PRDM4: variants seen among roughly 807,000 people sequenced by gnomAD.
The protein encoded by PRDM4 is PR/SET domain 4.
In PRDM4, 38 loss-of-function variants were observed where a neutral mutation model predicts 62.3. That is an observed-to-expected ratio of 0.61 (90% CI 0.47 to 0.80). PRDM4 has a LOEUF of 0.80. Among genes scored for constraint, PRDM4 ranks in the 30% least tolerant of loss-of-function variants. The pLI is 0.00. For missense variants in PRDM4, 858 were observed against 997.1 expected (o/e 0.86, Z 1.88); for synonymous variants, 339 against 348.2 (o/e 0.97, Z 0.30).
chr12:107,742,829 C>G (rs935916012), intron 8 of PRDM4, among the ~76,000 whole-genome samples: 1 of 150,608 alleles, frequency 6.6e-6, no homozygotes. Context: ...AACAGCACCA[C>G]CATAGTATGA....
rs1341494809 is a variant in PRDM4, at chr12:107,739,465, C to T, written c.2011G>A (p.Glu671Lys). The T allele has an allele frequency of 2.5e-6, 4 of 1,613,976 alleles. No individual in the cohort carries two copies. Among genetic ancestry groups the T allele is most frequent in the South Asian group, 1.1e-5 (1 of 91,076 alleles). ...CAGTAATCACACTTAAGATTCTTCT[C>T]CCCAGTGTGGATAACCATGTGGGAC... ...LESHMVIHTG[E>K]KNLKCDYCDK... The change falls in exon 11 of 12, where the codon GAG becomes AAG. Residue 671 changes from glutamate to lysine, a missense_variant. Glu to Lys is a moderately conservative substitution (Grantham distance 56). Around this residue, in one of 3 missense-constraint regions of PRDM4, gnomAD observed 355 missense variants for 432.6 expected, o/e 0.82. Transcript: ENST00000228437.
At position 107,733,148 on chromosome 12, in the gene PRDM4, A is replaced by G. The variant is rs929456930; in HGVS notation, c.*1062T>C. 1.3e-5 allele frequency: 2 copies of G among 152,380 alleles called. No homozygotes were observed. The highest frequency in any genetic ancestry group is 4.8e-5 in the African/African-American group (2 of 41,456). 9.4% of individuals were successfully genotyped at this position (152,380 alleles called of 1,614,324 possible). A position where few individuals can be genotyped will look rare whatever the true frequency, so the allele number is the denominator to read the frequency against. On this transcript the variant is annotated 3_prime_UTR_variant, in exon 12 of 12. Coordinates refer to ENST00000228437, the MANE Select transcript of PRDM4 (RefSeq NM_012406.4). ...ACCCTGAAAACAGGCCCATGTGGTC[A>G]CTATTCAGCCTTCTTTACCTTCCAA... is the stretch of plus-strand genomic sequence containing the variant.
Position 107,742,414 on chromosome 12 carries a change from C to G in PRDM4, c.1482-66G>C. 5 of 1,531,280 alleles carry G rather than the reference C, an allele frequency of 3.3e-6. No individual in the cohort carries two copies. The South Asian group carries it at 4.6e-5, about 14-fold the overall frequency. The allele number at this position is 1,531,280 out of a possible 1,614,324, so 94.9% of individuals were successfully genotyped here. ...AAATGCATACTAAGTACAACATTCC[C>G]CCATTGCAAAATCCTATATGAAAGC... On this transcript the variant is annotated intron_variant, in intron 8 of 11. Transcript: ENST00000228437.
Position 107,753,974 on chromosome 12 carries a change from G to A in PRDM4, c.281C>T (p.Pro94Leu), listed in dbSNP as rs781706281. 1.9e-6 allele frequency: 3 copies of A among 1,614,136 alleles called. No individual in the cohort carries two copies. Among genetic ancestry groups the A allele is most frequent in the East Asian group, 2.2e-5 (1 of 44,884 alleles). The change falls in exon 4 of 12, where the codon CCA becomes CTA. Residue 94 changes from proline to leucine, a missense_variant. Physicochemically the swap from Pro to Leu is moderately conservative, Grantham distance 98 (BLOSUM62 -3). This residue lies in a region of PRDM4 where 499 missense variants were observed against 546.7 expected (regional missense o/e 0.91). Transcript: ENST00000228437. ...GCTCTCCAGGTGAGGGTAAGGTGGT[G>A]GAGGTAGGGTGTAGTTTCTTTCAGG... is the stretch of plus-strand genomic sequence containing the variant. ...GLPERNYTLP[P>L]PPYPHLESSY...
Position 107,752,046 on chromosome 12 carries a change from T to C in PRDM4, c.495A>G (p.Ile165Met). The change falls in exon 5 of 12, where the codon ATA becomes ATG. Residue 165 changes from isoleucine (I) to methionine (M), a missense_variant. Transcript: ENST00000228437. ...NVGLEPGIVS[I>M]DSRSVNTHGA... is the part of the protein sequence containing the mutation. ...CATGTGTGTTCACAGAGCGAGAGTC[T>C]ATTGAAACAATGCCTGGTTCTAATC... 6.2e-7 allele frequency: 1 copy of C among 1,614,164 alleles called. No homozygotes were observed. The highest frequency in any genetic ancestry group is 8.5e-7 in the Non-Finnish European group (1 of 1,179,992).
rs764525950 is a variant in PRDM4, at chr12:107,760,565, A to T, written c.-50T>A. The T allele has an allele frequency of 6.2e-7, 1 of 1,609,996 alleles. No individual in the cohort carries two copies. The highest frequency in any genetic ancestry group is 8.5e-7 in the Non-Finnish European group (1 of 1,177,994). ...AAGGAGCGCTCGGGTGGTGGGGAACAGGCATCAGGGTTTGCGTTCCAGGGT... is the reference window on the plus strand; with the variant it reads ...AAGGAGCGCTCGGGTGGTGGGGAACTGGCATCAGGGTTTGCGTTCCAGGGT... On this transcript the variant is annotated 5_prime_UTR_variant, in exon 2 of 12. Transcript: ENST00000228437.
rs764747987 is a variant in PRDM4, at chr12:107,752,016, G to C, written c.525C>G (p.Ala175=). The change falls in exon 5 of 12, where the codon GCC becomes GCG. Residue 175 remains alanine, a synonymous_variant. Coordinates refer to ENST00000228437, the MANE Select transcript of PRDM4 (RefSeq NM_012406.4). ...GGCCATCACTGGGATGAAGACTTTG[G>C]GCACCATGTGTGTTCACAGAGCGAG... is the stretch of plus-strand genomic sequence containing the variant. ...IDSRSVNTHG[A]QSLHPSDGHE... is the part of the protein sequence containing the mutation. 2.5e-6 allele frequency: 4 copies of C among 1,614,144 alleles called. No individual in the cohort carries two copies. The South Asian group carries it at 4.4e-5, about 18-fold the overall frequency.
chr12:107,740,496 T>A (rs4964616), intron 10 of PRDM4, among the ~76,000 whole-genome samples: 44,341 of 135,460 alleles, frequency 0.33, 8,173 homozygotes, highest in Middle Eastern at 0.46. Context: ...CAAAAAAAAA[T>A]TTTTTTTTTT....
chr12:107,735,249 A>C (rs1890291504), intron 11 of PRDM4, among the ~76,000 whole-genome samples: 2 of 152,218 alleles, frequency 1.3e-5, no homozygotes, highest in Non-Finnish European at 2.9e-5. Flanking sequence ...GCTAAATCAA[A>C]GGATATGCAC....
chr12:107,752,140 C>T lies in PRDM4; in HGVS notation c.401G>A (p.Gly134Asp), dbSNP rs766310194. 1.3e-6 allele frequency: 2 copies of T among 1,599,256 alleles called. No homozygotes were observed. Among genetic ancestry groups the T allele is most frequent in the South Asian group, 1.1e-5 (1 of 90,808 alleles). Reference protein sequence around the residue: ...YIHPNSINVDGNTALSITNNP... With the variant: ...YIHPNSINVDDNTALSITNNP... ...ATTGGTGATAGATAATGCTGTATTA[C>T]CATCAACATTTATAGAGTTAGGGTG... Residue 134 changes from glycine (G) to aspartate (D), a missense_variant, in exon 5 of 12, where the codon GGT becomes GAT. Transcript: ENST00000228437.
At position 107,751,896 on chromosome 12, in the gene PRDM4, C is replaced by T; in HGVS notation, c.645G>A (p.Met215Ile). Residue 215 changes from methionine (M) to isoleucine (I), a missense_variant, in exon 5 of 12, where the codon ATG becomes ATA. Met to Ile is a conservative substitution (Grantham distance 10, BLOSUM62 1). Around this residue, in one of 3 missense-constraint regions of PRDM4, gnomAD observed 499 missense variants for 546.7 expected, o/e 0.91. Coordinates refer to ENST00000228437, the MANE Select transcript of PRDM4 (RefSeq NM_012406.4). ...STDGMAEELT[M>I]DGVAGEHSQI... is the part of the protein sequence containing the mutation. The stretch of plus-strand genomic sequence containing the variant: ...GGGAATGCTCGCCTGCAACACCGTC[C>T]ATCGTAAGCTCCTCTGCCATTCCAT... 1 of 1,614,244 alleles carries T rather than the reference C, an allele frequency of 6.2e-7. No individual in the cohort carries two copies. Among genetic ancestry groups the T allele is most frequent in the Non-Finnish European group, 8.5e-7 (1 of 1,180,038 alleles).
At chr12:107,738,058 G>A (rs1324095699) in intron 11 of PRDM4, 1 of 152,182 alleles carries the variant, frequency 6.6e-6, no homozygotes, top group Non-Finnish European at 1.5e-5. Flanking sequence ...GCTGGAGTCA[G>A]AGATCAGGGT....
chr12:107,754,201 T>C (rs778264818), intron 3 of PRDM4, 92 bp from the exon 4 acceptor site: 4 of 1,025,392 alleles, frequency 3.9e-6, no homozygotes, highest in Non-Finnish European at 5.6e-6. Flanking sequence ...GAAAGGTTTT[T>C]ACACATGGGC....
intron 5 of PRDM4, among the ~76,000 whole-genome samples, chr12:107,746,774 C>T (rs1291541330): frequency 6.6e-6 from 1 of 152,148 alleles, no homozygotes; most frequent in African/African-American, 2.4e-5. Context: ...TGTAAGCCAC[C>T]ATGCCCAGCC....
At chr12:107,748,193 A>G (rs535231059) in intron 5 of PRDM4, among the ~76,000 whole-genome samples, 2 of 152,222 alleles carry the variant, frequency 1.3e-5, no homozygotes, top group South Asian at 4.1e-4. Context: ...AAAATAAAAA[A>G]ATAAATAAAT....
chr12:107,738,472 A>C (rs1197530110), intron 11 of PRDM4: 3 of 152,236 alleles, frequency 2.0e-5, no homozygotes, highest in African/African-American at 7.2e-5. Flanking sequence ...CATTAAGAAT[A>C]TAACGTTTTC....
chr12:107,746,379 T>C lies in PRDM4; in HGVS notation c.1172A>G (p.His391Arg). The C allele has an allele frequency of 2.5e-6, 4 of 1,613,416 alleles. No individual in the cohort carries two copies. Among genetic ancestry groups the C allele is most frequent in the African/African-American group, 1.3e-5 (1 of 75,006 alleles). ...GTCAGGAACAAAAGTCACTGGTCCA[T>C]GTTCGGGACAGTCCGAGGGATAGGC... ...DRAYPSDCPEHGPVTFVPDTP... is the reference protein window; with the variant it reads ...DRAYPSDCPERGPVTFVPDTP... The change falls in exon 6 of 12, where the codon CAT becomes CGT. Residue 391 changes from histidine to arginine, a missense_variant. His to Arg is a conservative substitution (Grantham distance 29). Coordinates refer to ENST00000228437, the MANE Select transcript of PRDM4 (RefSeq NM_012406.4).
intron 5 of PRDM4, among the ~76,000 whole-genome samples, chr12:107,747,379 A>G (rs1235812223): frequency 6.6e-6 from 1 of 151,670 alleles, no homozygotes; most frequent in Non-Finnish European, 1.5e-5. Context: ...CGTCAGAGCC[A>G]GCTACACCAC....
intron 8 of PRDM4, 88 bp from the exon 9 acceptor site, chr12:107,742,436 A>T: frequency 7.1e-7 from 1 of 1,409,530 alleles, no homozygotes; most frequent in South Asian, 1.2e-5. Context: ...TCCTATATGA[A>T]AGCTTAGGCA....
Sources: gnomAD v4.1 joint callset for allele counts (sites outside exome capture counted in the v4.1 genomes callset) on GRCh38, gnomAD v4.1.1 for gene constraint, gnomAD v4.1.1 regional missense constraint, MANE v1.5 for transcripts, NCBI Gene and HGNC (gene_info 2026-07-23, HGNC 2026-07-21) for gene names.